FCHO2: variants seen among roughly 807,000 people sequenced by gnomAD.
FCHO2 encodes the protein FCH and mu domain containing endocytic adaptor 2.
A neutral mutation model predicts 114.1 loss-of-function variants in FCHO2; 43 were observed. The ratio of observed to expected loss-of-function variants is 0.38; its 90% CI spans 0.30 to 0.49. The LOEUF is 0.49. Among genes scored for constraint, FCHO2 ranks in the 20% least tolerant of loss-of-function variants. The probability of loss-of-function intolerance (pLI) is 0.97; values close to 1 mark genes in which losing one functional copy is unlikely to be tolerated. For synonymous variants in FCHO2, 293 were observed against 315.2 expected, an observed-to-expected ratio of 0.93 and a Z score of 0.75; for missense variants, 807 against 950.4, an observed-to-expected ratio of 0.85 and a Z score of 1.98.
At chr5:73,062,532 T>C (rs1009526967) in intron 17 of FCHO2, among the ~76,000 whole-genome samples, 2 of 152,060 alleles carry the variant, frequency 1.3e-5, no homozygotes, top group African/African-American at 2.4e-5. Context: ...GGTGCACATT[T>C]CTTCCAGGGT....
chr5:73,003,967 G>T (rs1406935400), intron 5 of FCHO2, among the ~76,000 whole-genome samples: 1 of 146,328 alleles, frequency 6.8e-6, no homozygotes, highest in Non-Finnish European at 1.5e-5. Context: ...AGAAGCGCTT[G>T]AATCCGGGAG....
At chr5:73,008,428 A>G (rs1478644552) in intron 6 of FCHO2, among the ~76,000 whole-genome samples, 1 of 152,190 alleles carries the variant, frequency 6.6e-6, no homozygotes, top group Non-Finnish European at 1.5e-5. Context: ...TCTTCGGAAG[A>G]TTAGGATCCC....
At chr5:73,082,392 C>A (rs1170896685) in intron 23 of FCHO2, among the ~76,000 whole-genome samples, 5 of 151,848 alleles carry the variant, frequency 3.3e-5, no homozygotes, top group African/African-American at 4.8e-5. Context: ...CTCTTAGCAA[C>A]TTCTCCTGTC....
At chr5:73,042,641 AT>A (rs1047762174) in intron 11 of FCHO2, among the ~76,000 whole-genome samples, 8 of 152,190 alleles carry the variant, frequency 5.3e-5, no homozygotes, top group South Asian at 4.1e-4. Context: ...ACTAGAAAAA[AT>A]ACGTTATAAA....
intron 24 of FCHO2, among the ~76,000 whole-genome samples, chr5:73,085,743 C>G (rs1215694482): frequency 1.3e-5 from 2 of 151,298 alleles, no homozygotes; most frequent in Non-Finnish European, 2.9e-5. Flanking sequence ...CCACTGTATT[C>G]CAGCTTGGGC....
At position 73,082,841 on chromosome 5, in the gene FCHO2, C is replaced by G; in HGVS notation, c.2245+16C>G. 6.4e-7 allele frequency: 1 copy of G among 1,553,386 alleles called. No individual in the cohort carries two copies. Among genetic ancestry groups the G allele is most frequent in the Non-Finnish European group, 8.7e-7 (1 of 1,153,104 alleles). On this transcript the variant is annotated intron_variant, in intron 24 of 25. Transcript: ENST00000430046. Reference sequence around the variant, plus strand: ...GAAAATGGAGGTAAGTGTGTGTGTCCTTTTTTATTTATAAAATGATGTCAC... The same window carrying G: ...GAAAATGGAGGTAAGTGTGTGTGTCGTTTTTTATTTATAAAATGATGTCAC...
intron 10 of FCHO2, among the ~76,000 whole-genome samples, chr5:73,038,481 C>G (rs1284574167): frequency 6.6e-6 from 1 of 152,164 alleles, no homozygotes; most frequent in African/African-American, 2.4e-5. Flanking sequence ...GTTGACCCAC[C>G]AACATTGACT....
Position 73,077,430 on chromosome 5 carries a change from G to A in FCHO2, c.1784G>A (p.Cys595Tyr). The A allele has an allele frequency of 3.7e-6, 6 of 1,600,430 alleles. No individual in the cohort carries two copies. The highest frequency in any genetic ancestry group is 5.1e-6 in the Non-Finnish European group (6 of 1,173,048). The change falls in exon 21 of 26, where the codon TGC (cysteine) becomes TAC (tyrosine). Residue 595 changes from cysteine to tyrosine, a missense_variant. Cys to Tyr is a radical substitution (Grantham distance 194, BLOSUM62 -2). Coordinates refer to ENST00000430046, the MANE Select transcript of FCHO2 (RefSeq NM_138782.3). ...FTSNPTPAVLCFRVKNISRLE... is the reference protein window; with the variant it reads ...FTSNPTPAVLYFRVKNISRLE... ...AGCAATCCAACTCCAGCTGTGTTGT[G>A]CTTCAGGGTGAAAAATATCAGCAGA...
intron 18 of FCHO2, among the ~76,000 whole-genome samples, chr5:73,065,032 G>T (rs1394658156): frequency 6.6e-6 from 1 of 151,764 alleles, no homozygotes; most frequent in African/African-American, 2.4e-5. Context: ...TCAGTACTTT[G>T]CATGATGCCT....
At chr5:73,021,060 C>T in intron 8 of FCHO2, 6 of 934,730 alleles carry the variant, frequency 6.4e-6, no homozygotes, top group Non-Finnish European at 1.1e-5. Context: ...TTACCTGGTC[C>T]TCTCCCTCTG....
At chr5:73,057,798 T>A (rs940556618) in intron 16 of FCHO2, among the ~76,000 whole-genome samples, 10 of 152,190 alleles carry the variant, frequency 6.6e-5, no homozygotes, top group Non-Finnish European at 1.5e-4. Flanking sequence ...TGCTCTTTTT[T>A]ATTTGTAAAG....
chr5:73,053,827 T>C (rs1580173549), intron 13 of FCHO2, among the ~76,000 whole-genome samples: 1 of 152,118 alleles, frequency 6.6e-6, no homozygotes, highest in East Asian at 1.9e-4. Context: ...CCTAGAGGAA[T>C]ATATGGGTAG....
intron 8 of FCHO2, among the ~76,000 whole-genome samples, chr5:73,028,626 A>G (rs1325749760): frequency 5.3e-5 from 8 of 152,044 alleles, no homozygotes; most frequent in African/African-American, 1.9e-4. Context: ...GACCAAAATA[A>G]GAATACATAT....
rs566988337 is a variant in FCHO2 at position 73,035,391 on chromosome 5, C to T, written c.841+690C>T. ...CTGTGATTGTACCACTGCACTCCAG[C>T]CTGGGCGACAGAGTGAGACCCTGTC... On this transcript the variant is annotated intron_variant, in intron 9 of 25. Transcript: ENST00000430046. 2.0e-5 allele frequency among the ~76,000 whole-genome samples: 3 copies of T among 152,184 alleles called. No individual in the cohort carries two copies. The South Asian group carries it at 6.2e-4, about 32-fold the overall frequency.
intron 6 of FCHO2, among the ~76,000 whole-genome samples, chr5:73,008,422 C>T (rs980558235): frequency 2.6e-5 from 4 of 151,984 alleles, no homozygotes; most frequent in Non-Finnish European, 4.4e-5. Context: ...AGGAATTCTT[C>T]GGAAGATTAG....
intron 5 of FCHO2, among the ~76,000 whole-genome samples, chr5:73,004,688 T>G (rs555834916): frequency 1.3e-5 from 2 of 152,276 alleles, no homozygotes; most frequent in Admixed American, 6.5e-5. Flanking sequence ...CTGTATAAAT[T>G]TCTAAGACAA....
At chr5:72,987,894 ATTAGT>A (rs1390605647) in intron 2 of FCHO2, among the ~76,000 whole-genome samples, 2 of 152,016 alleles carry the variant, frequency 1.3e-5, no homozygotes, top group Admixed American at 6.6e-5. Context: ...GAGTTTGGAG[ATTAGT>A]TTAGATATTC....
rs138299736 is a variant in FCHO2 at position 73,001,659 on chromosome 5, G to T, written c.496-4786G>T. On this transcript the variant is annotated intron_variant, in intron 5 of 25. Coordinates refer to ENST00000430046, the MANE Select transcript of FCHO2 (RefSeq NM_138782.3). ...TCAATTTTACCTTTCAAGAGTGAGA[G>T]CTAGGCTGGGCATGGTGGTGGCTTA... 2.0e-3 allele frequency among the ~76,000 whole-genome samples: 307 copies of T among 151,616 alleles called. 2 individuals are homozygous for T. Among genetic ancestry groups the T allele is most frequent in the African/African-American group, 7.2e-3 (297 of 41,410 alleles).
At chr5:72,999,446 G>C (rs1379119747) in intron 5 of FCHO2, among the ~76,000 whole-genome samples, 2 of 137,848 alleles carry the variant, frequency 1.5e-5, no homozygotes, top group African/African-American at 5.6e-5. Context: ...GCAGTGGCAC[G>C]ATCTTGGCTC....
Sources: gnomAD v4.1 joint callset for allele counts (sites outside exome capture counted in the v4.1 genomes callset) on GRCh38, gnomAD v4.1.1 for gene constraint, MANE v1.5 for transcripts, NCBI Gene and HGNC (gene_info 2026-07-23, HGNC 2026-07-21) for gene names.